MACROD2: variants seen among roughly 807,000 people sequenced by gnomAD.
The protein encoded by MACROD2 is mono-ADP ribosylhydrolase 2, also known as ADP-ribose glycohydrolase MACROD2.
Under a neutral mutation model 70.4 loss-of-function variants are expected in MACROD2, and 36 were observed. The observed-to-expected ratio is 0.51, with a 90% confidence interval of 0.39 to 0.68. The LOEUF (loss-of-function observed/expected upper bound fraction) is 0.68. Ranked by LOEUF, MACROD2 falls within the 30% of genes least tolerant of loss-of-function variation. MACROD2 has a pLI of 0.00. For synonymous variants in MACROD2, 172 were observed against 178.8 expected (o/e 0.96, Z 0.30); for missense variants, 496 against 538.4 (o/e 0.92, Z 0.78).
At chr20:15,469,203 A>G (rs1464799559) in intron 7 of MACROD2, among the ~76,000 whole-genome samples, 1 of 152,242 alleles carries the variant, frequency 6.6e-6, no homozygotes, top group Non-Finnish European at 1.5e-5. Context: ...TAGGAAATGT[A>G]TATAATATGC....
intron 4 of MACROD2, among the ~76,000 whole-genome samples, chr20:14,626,647 G>T (rs537057383): frequency 2.0e-3 from 303 of 152,224 alleles, no homozygotes; most frequent in Admixed American, 5.1e-3. Context: ...CTTACTTCAG[G>T]TTCCTCATAC....
At chr20:15,392,616 C>G (rs1287316449) in intron 6 of MACROD2, among the ~76,000 whole-genome samples, 2 of 152,002 alleles carry the variant, frequency 1.3e-5, no homozygotes, top group Admixed American at 1.3e-4. Context: ...AGTGATTTAC[C>G]TAATTTTTTG....
chr20:15,080,072 T>C (rs1459808567), intron 5 of MACROD2, among the ~76,000 whole-genome samples: 2 of 151,908 alleles, frequency 1.3e-5, no homozygotes, highest in Admixed American at 6.6e-5. Flanking sequence ...TATTTTTTCT[T>C]TTCTCTTGAC....
chr20:15,542,198 CT>C (rs2146569283), intron 8 of MACROD2, among the ~76,000 whole-genome samples: 1 of 152,300 alleles, frequency 6.6e-6, no homozygotes, highest in East Asian at 1.9e-4. Flanking sequence ...CATATCCCAG[CT>C]CAGCCAGCTC....
At chr20:15,844,222 C>T (rs896464538) in intron 8 of MACROD2, among the ~76,000 whole-genome samples, 1 of 151,886 alleles carries the variant, frequency 6.6e-6, no homozygotes, top group Non-Finnish European at 1.5e-5. Context: ...ATACAAATTC[C>T]CTAGGAGGAG....
intron 3 of MACROD2, among the ~76,000 whole-genome samples, chr20:14,461,890 T>A (rs1460152533): frequency 1.3e-5 from 2 of 152,032 alleles, no homozygotes; most frequent in Non-Finnish European, 2.9e-5. Context: ...TCTATCATTG[T>A]TGGACATTTG....
chr20:14,831,780 CAAAAAAAAAAAAAAAAAA>C (rs71190151), intron 5 of MACROD2, among the ~76,000 whole-genome samples: 4 of 37,172 alleles, frequency 1.1e-4, no homozygotes, highest in African/African-American at 4.0e-4. Context: ...AACTCCGTCT[CAAAAAAAAAAAAAAAAAA>C]AAAAAAAAAG....
At chr20:14,396,290 C>A (rs1286966785) in intron 3 of MACROD2, among the ~76,000 whole-genome samples, 1 of 152,070 alleles carries the variant, frequency 6.6e-6, no homozygotes, top group Admixed American at 6.5e-5. Flanking sequence ...TCTACTTGTT[C>A]TATTAATCAT....
chr20:15,150,200 C>T (rs1460179716), intron 5 of MACROD2, among the ~76,000 whole-genome samples: 1 of 151,962 alleles, frequency 6.6e-6, no homozygotes, highest in African/African-American at 2.4e-5. Context: ...GGGCTTGCAG[C>T]AGTACAGCCC....
intron 4 of MACROD2, among the ~76,000 whole-genome samples, chr20:14,530,364 T>C (rs958342017): frequency 2.6e-5 from 4 of 152,154 alleles, no homozygotes; most frequent in African/African-American, 4.8e-5. Context: ...AGCAGAAATG[T>C]CACAGAGCCT....
chr20:14,925,067 C>T (rs1470032235), intron 5 of MACROD2, among the ~76,000 whole-genome samples: 8 of 151,750 alleles, frequency 5.3e-5, no homozygotes, highest in South Asian at 2.1e-4. Context: ...GTTGAAACTA[C>T]GTAATGCTTG....
intron 5 of MACROD2, among the ~76,000 whole-genome samples, chr20:14,982,322 G>A (rs939031729): frequency 2.0e-5 from 3 of 152,184 alleles, no homozygotes; most frequent in Non-Finnish European, 4.4e-5. Context: ...CAGTAGAAGA[G>A]AAAATTCCAT....
At chr20:14,061,931 A>G (rs2053695582) in intron 2 of MACROD2, among the ~76,000 whole-genome samples, 1 of 152,152 alleles carries the variant, frequency 6.6e-6, no homozygotes, top group Non-Finnish European at 1.5e-5. Flanking sequence ...TTTAAGAATG[A>G]TCTTACAACT....
intron 7 of MACROD2, among the ~76,000 whole-genome samples, chr20:15,478,907 C>T (rs975394407): frequency 3.3e-5 from 5 of 152,158 alleles, no homozygotes; most frequent in African/African-American, 7.2e-5. Context: ...TGTCCTGCTG[C>T]GTGACCAATC....
At chr20:15,469,459 A>C (rs1224330099) in intron 7 of MACROD2, among the ~76,000 whole-genome samples, 1 of 152,188 alleles carries the variant, frequency 6.6e-6, no homozygotes, top group Non-Finnish European at 1.5e-5. Context: ...GATCAATGTC[A>C]AGCTACGGAG....
chr20:14,029,299 G>A (rs1235432700), intron 2 of MACROD2, among the ~76,000 whole-genome samples: 1 of 152,078 alleles, frequency 6.6e-6, no homozygotes, highest in Non-Finnish European at 1.5e-5. Flanking sequence ...CATGTTAGGG[G>A]AAAAAACGCA....
intron 8 of MACROD2, among the ~76,000 whole-genome samples, chr20:15,853,053 A>G (rs893827322): frequency 2.0e-5 from 3 of 152,198 alleles, no homozygotes; most frequent in Admixed American, 2.0e-4. Flanking sequence ...GATTTTCACT[A>G]TAACAGATAA....
At chr20:15,360,460 T>C (rs139017409) in intron 6 of MACROD2, among the ~76,000 whole-genome samples, 32 of 152,252 alleles carry the variant, frequency 2.1e-4, no homozygotes, top group African/African-American at 7.0e-4. Flanking sequence ...ATAAAATAAG[T>C]CACTAAATGA....
intron 8 of MACROD2, among the ~76,000 whole-genome samples, chr20:15,650,302 C>G (rs2049624246): frequency 6.6e-6 from 1 of 152,152 alleles, no homozygotes; most frequent in Admixed American, 6.6e-5. Context: ...ACAATGTATA[C>G]CAGATTGTAT....
Sources: allele counts gnomAD v4.1 joint callset (sites outside exome capture counted in the v4.1 genomes callset), GRCh38; gene constraint gnomAD v4.1.1; transcripts MANE v1.5; gene names NCBI Gene and HGNC (gene_info 2026-07-23, HGNC 2026-07-21).